The following NKAIN2 variants were observed in gnomAD, a reference collection of about 807,000 sequenced individuals.
NKAIN2 encodes sodium/potassium transporting ATPase interacting 2.
A neutral mutation model predicts 32.6 loss-of-function variants in NKAIN2; 14 were observed. The observed-to-expected ratio is 0.43, with a 90% CI of 0.28 to 0.67. The LOEUF is 0.67. Among genes scored for constraint, NKAIN2 ranks in the 30% least tolerant of loss-of-function variants. The pLI is 0.17. For missense variants in NKAIN2, 198 were observed against 258.3 expected (o/e 0.77, Z 1.60); for synonymous variants, 80 against 87.2 (o/e 0.92, Z 0.46).
At chr6:123,858,752 A>C (rs1775662394) in intron 1 of NKAIN2, among the ~76,000 whole-genome samples, 1 of 152,152 alleles carries the variant, frequency 6.6e-6, no homozygotes, top group Non-Finnish European at 1.5e-5. Flanking sequence ...ACATTATTGA[A>C]GCGTCAGTTT....
intron 3 of NKAIN2, among the ~76,000 whole-genome samples, chr6:124,648,697 A>C (rs887043855): frequency 5.3e-5 from 8 of 152,244 alleles, no homozygotes; most frequent in African/African-American, 1.9e-4. Flanking sequence ...ATGATCCTGA[A>C]GTATTGGACC....
chr6:124,558,966 A>G (rs1780582365), intron 3 of NKAIN2, among the ~76,000 whole-genome samples: 1 of 151,940 alleles, frequency 6.6e-6, no homozygotes, highest in African/African-American at 2.4e-5. Flanking sequence ...ACAAACAAAC[A>G]AACAAACAAA....
At chr6:124,356,962 G>A (rs1431608406) in intron 3 of NKAIN2, among the ~76,000 whole-genome samples, 2 of 152,150 alleles carry the variant, frequency 1.3e-5, no homozygotes, top group African/African-American at 2.4e-5. Context: ...AGAGATTTGA[G>A]CAAAGCTGGC....
At chr6:123,834,313 C>A (rs1231488577) in intron 1 of NKAIN2, among the ~76,000 whole-genome samples, 1 of 151,952 alleles carries the variant, frequency 6.6e-6, no homozygotes, top group Non-Finnish European at 1.5e-5. Flanking sequence ...TGCCACCAAG[C>A]CTTGTTAATT....
intron 1 of NKAIN2, among the ~76,000 whole-genome samples, chr6:124,276,707 G>C (rs1427973409): frequency 6.6e-6 from 1 of 152,112 alleles, no homozygotes; most frequent in Non-Finnish European, 1.5e-5. Context: ...CTTGTAAAGA[G>C]CACAGCAGCT....
At chr6:124,459,604 G>T (rs982960560) in intron 3 of NKAIN2, among the ~76,000 whole-genome samples, 1 of 151,812 alleles carries the variant, frequency 6.6e-6, no homozygotes, top group African/African-American at 2.4e-5. Flanking sequence ...CTGTAAGTTT[G>T]TCTTATGATC....
chr6:124,396,061 T>A (rs1773364080), intron 3 of NKAIN2, among the ~76,000 whole-genome samples: 1 of 152,082 alleles, frequency 6.6e-6, no homozygotes, highest in Non-Finnish European at 1.5e-5. Flanking sequence ...CATGGTACTT[T>A]GCATTTATAT....
chr6:124,483,350 C>T (rs559745084), intron 3 of NKAIN2, among the ~76,000 whole-genome samples: 7 of 152,198 alleles, frequency 4.6e-5, no homozygotes, highest in Non-Finnish European at 1.0e-4. Context: ...GAGATAATCA[C>T]ATCCAAAAAT....
rs1794637055 is a variant in NKAIN2, at chr6:124,269,280, T to G, written c.55-13725T>G. Reference sequence around the variant, plus strand: ...CTTTTCAGAGCAGCATCTCCGTATCTGTGTTGAATTCAATACTAGGGTTAC... The same window carrying G: ...CTTTTCAGAGCAGCATCTCCGTATCGGTGTTGAATTCAATACTAGGGTTAC... On this transcript the variant is annotated intron_variant, in intron 1 of 6. Transcript: ENST00000368417. Among the ~76,000 whole-genome samples, 2 of 152,136 alleles carry G rather than the reference T, an allele frequency of 1.3e-5. 1 individual carries two copies. The highest frequency in any genetic ancestry group is 4.2e-4 in the South Asian group (2 of 4,818).
At chr6:124,517,187 T>G (rs1778946269) in intron 3 of NKAIN2, among the ~76,000 whole-genome samples, 1 of 152,170 alleles carries the variant, frequency 6.6e-6, no homozygotes, top group African/African-American at 2.4e-5. Flanking sequence ...TGCAACTAAA[T>G]TATTGGTCAT....
intron 1 of NKAIN2, among the ~76,000 whole-genome samples, chr6:124,035,871 C>T (rs1040573031): frequency 6.6e-6 from 1 of 152,030 alleles, no homozygotes; most frequent in African/African-American, 2.4e-5. Flanking sequence ...TGGAGTTCCC[C>T]GGTGATGGCA....
chr6:124,699,943 A>G (rs1022004842), intron 4 of NKAIN2, among the ~76,000 whole-genome samples: 4 of 152,190 alleles, frequency 2.6e-5, no homozygotes, highest in African/African-American at 9.6e-5. Context: ...GGGAGAAATC[A>G]TTATTTTTGT....
chr6:124,526,076 A>G (rs1209021145), intron 3 of NKAIN2, among the ~76,000 whole-genome samples: 4 of 152,178 alleles, frequency 2.6e-5, no homozygotes, highest in African/African-American at 9.6e-5. Flanking sequence ...AGGGCAATGC[A>G]TATGAAGTAG....
At position 123,982,389 on chromosome 6, in the gene NKAIN2, T is replaced by C. The variant is rs370819361; in HGVS notation, c.54+178135T>C. Among the ~76,000 whole-genome samples the C allele has an allele frequency of 7.9e-4, 121 of 152,336 alleles. 3 individuals are homozygous for C. The South Asian group carries it at 0.025, about 31-fold the overall frequency. On this transcript the variant is annotated intron_variant, in intron 1 of 6. Coordinates refer to ENST00000368417, the MANE Select transcript of NKAIN2 (RefSeq NM_001040214.3). ...GATTTATTATAAAGAAAGGTGACTT[T>C]AGGTTAGATGTTAAGGAGAGATTTA...
At chr6:124,252,144 G>A (rs1793717353) in intron 1 of NKAIN2, among the ~76,000 whole-genome samples, 1 of 151,948 alleles carries the variant, frequency 6.6e-6, no homozygotes. Context: ...GGTTCACATA[G>A]TCACACAAAT....
chr6:123,984,723 A>C (rs527798617), intron 1 of NKAIN2, among the ~76,000 whole-genome samples: 1 of 152,304 alleles, frequency 6.6e-6, no homozygotes, highest in Admixed American at 6.5e-5. Context: ...TAAGATTTAA[A>C]ACATTTGCCT....
chr6:124,413,212 A>G lies in NKAIN2; in HGVS notation c.273+57865A>G, dbSNP rs139452112. Reference sequence around the variant, plus strand: ...CCACTGTCCGGCACTCCCCAGTGAGATGAACCCAGTACCTCAGTTGGAAAT... The same window carrying G: ...CCACTGTCCGGCACTCCCCAGTGAGGTGAACCCAGTACCTCAGTTGGAAAT... On this transcript the variant is annotated intron_variant, in intron 3 of 6. Transcript: ENST00000368417. 3.7e-3 allele frequency among the ~76,000 whole-genome samples: 566 copies of G among 152,272 alleles called. 4 individuals are homozygous for G. Among genetic ancestry groups the G allele is most frequent in the African/African-American group, 0.013 (537 of 41,560 alleles).
chr6:124,196,050 T>C (rs372800941), intron 1 of NKAIN2, among the ~76,000 whole-genome samples: 2 of 152,140 alleles, frequency 1.3e-5, no homozygotes, highest in Non-Finnish European at 2.9e-5. Context: ...CTAAAAACAA[T>C]TATGGGTTTA....
intron 1 of NKAIN2, among the ~76,000 whole-genome samples, chr6:124,233,406 G>A (rs1296511269): frequency 6.6e-6 from 1 of 152,244 alleles, no homozygotes; most frequent in Non-Finnish European, 1.5e-5. Flanking sequence ...TGTGTATCCA[G>A]GTGTCCCAGC....
Sources: gnomAD v4.1 joint callset for allele counts (sites outside exome capture counted in the v4.1 genomes callset) on GRCh38, gnomAD v4.1.1 for gene constraint, MANE v1.5 for transcripts, NCBI Gene and HGNC (gene_info 2026-07-23, HGNC 2026-07-21) for gene names.